Variants in ICA1 observed in about 807,000 individuals in gnomAD.
The protein encoded by ICA1 is islet cell autoantigen 1, also known as 69 kDa islet cell autoantigen.
ICA1 carries 40 observed loss-of-function variants against 71.0 expected under a neutral mutation model. The observed-to-expected ratio is 0.56, with a 90% confidence interval of 0.44 to 0.73. ICA1 has a LOEUF of 0.73. Ranked by LOEUF, ICA1 falls within the 30% of genes least tolerant of loss-of-function variation. ICA1 has a pLI of 0.00. For synonymous variants in ICA1, 207 were observed against 209.5 expected (o/e 0.99, Z 0.10); for missense variants, 578 against 576.5 (o/e 1.00, Z -0.03).
intron 1 of ICA1, among the ~76,000 whole-genome samples, chr7:8,247,753 A>C (rs1806599467): frequency 6.6e-6 from 1 of 152,178 alleles, no homozygotes. Flanking sequence ...GCTTGTTCTG[A>C]CCTAGAACTT....
intron 1 of ICA1, among the ~76,000 whole-genome samples, chr7:8,261,778 C>T (rs552491772): frequency 1.3e-5 from 2 of 152,142 alleles, no homozygotes; most frequent in South Asian, 2.1e-4. Context: ...GGCATGGGTG[C>T]CGGTGCTCCC....
chr7:8,247,629 A>C (rs1418891677), intron 1 of ICA1, among the ~76,000 whole-genome samples: 3 of 152,180 alleles, frequency 2.0e-5, no homozygotes, highest in Admixed American at 2.0e-4. Context: ...CAAAGTGGAC[A>C]GGAGTCAGTT....
At chr7:8,214,737 CAG>C (rs919730402) in intron 6 of ICA1, among the ~76,000 whole-genome samples, 1 of 152,132 alleles carries the variant, frequency 6.6e-6, no homozygotes, top group African/African-American at 2.4e-5. Context: ...AGAAGGAAAA[CAG>C]ATTGCTTTGT....
chr7:8,159,262 T>C (rs1215687760), intron 6 of ICA1, among the ~76,000 whole-genome samples: 2 of 152,352 alleles, frequency 1.3e-5, no homozygotes, highest in East Asian at 3.9e-4. Flanking sequence ...TTTTTACTAC[T>C]GAGTAACGTG....
intron 13 of ICA1, among the ~76,000 whole-genome samples, chr7:8,126,285 C>A (rs1405786504): frequency 6.6e-6 from 1 of 152,176 alleles, no homozygotes; most frequent in African/African-American, 2.4e-5. Context: ...GATCTGGGCT[C>A]TGCCTCGACT....
intron 6 of ICA1, among the ~76,000 whole-genome samples, chr7:8,188,104 AATGGGG>A (rs1481538952): frequency 1.3e-5 from 2 of 152,164 alleles, no homozygotes; most frequent in African/African-American, 4.8e-5. Flanking sequence ...AACATAATGG[AATGGGG>A]ATTGGAAAAA....
At chr7:8,241,137 AG>A (rs1298821167) in intron 1 of ICA1, among the ~76,000 whole-genome samples, 1 of 152,200 alleles carries the variant, frequency 6.6e-6, no homozygotes, top group Non-Finnish European at 1.5e-5. Flanking sequence ...GTTGAAATGA[AG>A]GAAAAAATGT....
At chr7:8,262,014 C>A (rs907165040) in intron 1 of ICA1, 80 bp downstream of exon 1, 3 of 152,184 alleles carry the variant, frequency 2.0e-5, no homozygotes, top group African/African-American at 7.2e-5. Context: ...CGTCCCCGAC[C>A]GTCCCGGCTG....
intron 6 of ICA1, among the ~76,000 whole-genome samples, chr7:8,208,032 A>T (rs1286268405): frequency 6.6e-6 from 1 of 152,222 alleles, no homozygotes; most frequent in Admixed American, 6.5e-5. Flanking sequence ...GTTAACAAAA[A>T]TAATTCAATC....
intron 6 of ICA1, among the ~76,000 whole-genome samples, chr7:8,180,284 T>C (rs1313990594): frequency 6.6e-6 from 1 of 152,162 alleles, no homozygotes; most frequent in Non-Finnish European, 1.5e-5. Context: ...CATATATATA[T>C]TGTGATATCT....
At chr7:8,199,586 T>C (rs1788850543) in intron 6 of ICA1, among the ~76,000 whole-genome samples, 1 of 151,976 alleles carries the variant, frequency 6.6e-6, no homozygotes, top group African/African-American at 2.4e-5. Context: ...TGGTGACAGG[T>C]GCCTGTAATC....
At chr7:8,198,391 T>C (rs569710526) in intron 6 of ICA1, among the ~76,000 whole-genome samples, 1 of 152,312 alleles carries the variant, frequency 6.6e-6, no homozygotes, top group Admixed American at 6.5e-5. Flanking sequence ...CTGAAAATAG[T>C]GTGAATTAAA....
At chr7:8,138,654 G>T (rs777403239) in intron 12 of ICA1, among the ~76,000 whole-genome samples, 186 bp downstream of exon 12, 6 of 152,156 alleles carry the variant, frequency 3.9e-5, no homozygotes, top group Non-Finnish European at 8.8e-5. Flanking sequence ...TACTAATGAT[G>T]ATAGGTCTAC....
At chr7:8,151,558 T>G (rs1374618952) in intron 8 of ICA1, among the ~76,000 whole-genome samples, 3 of 152,208 alleles carry the variant, frequency 2.0e-5, no homozygotes, top group Non-Finnish European at 4.4e-5. Flanking sequence ...ATATCCTGGA[T>G]GCTCGCCATA....
intron 13 of ICA1, among the ~76,000 whole-genome samples, chr7:8,120,116 T>C (rs924063313): frequency 2.0e-4 from 30 of 152,164 alleles, no homozygotes; most frequent in African/African-American, 7.0e-4. Flanking sequence ...GGAGCTAAGA[T>C]GACGGGAACA....
In ICA1 at chr7:8,143,886, C is replaced by G. The variant is rs753243541; in HGVS notation, c.891G>C (p.Gln297His). The G allele has an allele frequency of 9.3e-6, 15 of 1,609,304 alleles. No homozygotes were observed. In the African/African-American group the frequency reaches 1.7e-4, roughly 19 times the overall value. Reference sequence around the variant, plus strand: ...AACCTGTGACTTACTGGCTCGGCTCCTGCACGGCTGCATCTGTACTTTCCT... The same window carrying G: ...AACCTGTGACTTACTGGCTCGGCTCGTGCACGGCTGCATCTGTACTTTCCT... ...NQQESTDAAV[Q>H]EPSQLISLEE... Residue 297 changes from glutamine (Q) to histidine (H), a missense_variant, in exon 9 of 14, where the codon CAG becomes CAC. Coordinates refer to ENST00000402384, the MANE Select transcript of ICA1 (RefSeq NM_001136020.3).
chr7:8,219,471 G>A (rs145706101), intron 5 of ICA1, among the ~76,000 whole-genome samples: 239 of 152,316 alleles, frequency 1.6e-3, no homozygotes, highest in African/African-American at 5.5e-3. Flanking sequence ...CGTGTAGCAC[G>A]GTAAGATTAC....
chr7:8,137,152 A>C (rs1469837376), intron 12 of ICA1, among the ~76,000 whole-genome samples: 2 of 152,006 alleles, frequency 1.3e-5, no homozygotes, highest in Non-Finnish European at 2.9e-5. Context: ...AAGTATTAGA[A>C]TAGGGAGGGG....
At chr7:8,256,007 T>C (rs2128548537) in intron 1 of ICA1, among the ~76,000 whole-genome samples, 1 of 152,164 alleles carries the variant, frequency 6.6e-6, no homozygotes, top group Middle Eastern at 3.4e-3. Context: ...ACACTTGAGT[T>C]CAAGCAATCC....
Sources: allele counts gnomAD v4.1 joint callset (sites outside exome capture counted in the v4.1 genomes callset), GRCh38; gene constraint gnomAD v4.1.1; transcripts MANE v1.5; gene names NCBI Gene and HGNC (gene_info 2026-07-23, HGNC 2026-07-21).